The following CEP57 variants were observed in gnomAD, a reference collection of about 807,000 sequenced individuals.
CEP57 encodes centrosomal protein of 57 kDa.
In CEP57, 40 loss-of-function variants were observed where a neutral mutation model predicts 68.0. The ratio of observed to expected loss-of-function variants is 0.59; its 90% CI spans 0.46 to 0.77. The LOEUF (loss-of-function observed/expected upper bound fraction) is 0.77, where lower values mean the gene tolerates loss of function less well. Ranked by LOEUF, CEP57 falls within the 30% of genes least tolerant of loss-of-function variation. CEP57 has a pLI of 0.00. For synonymous variants in CEP57, 219 were observed against 198.7 expected, an observed-to-expected ratio of 1.10 and a Z score of -0.86; for missense variants, 606 against 580.7, an observed-to-expected ratio of 1.04 and a Z score of -0.45.
intron 1 of CEP57, among the ~76,000 whole-genome samples, chr11:95,794,993 C>T (rs968897743): frequency 1.3e-5 from 2 of 152,148 alleles, no homozygotes; most frequent in East Asian, 1.9e-4. Flanking sequence ...TTACCTGGCT[C>T]TTTGTCCCTT....
Position 95,807,500 on chromosome 11 carries a change from T to C in CEP57, c.203-5432T>C, listed in dbSNP as rs566687614. 6.6e-5 allele frequency among the ~76,000 whole-genome samples: 10 copies of C among 152,142 alleles called. No individual in the cohort carries two copies. The South Asian group carries it at 2.1e-3, about 32-fold the overall frequency. ...AGATTAGACGAATGGCTAACTAGAA[T>C]AAACAGCGTAGAGAAGACCTTAAAT... On this transcript the variant is annotated intron_variant, in intron 2 of 10. Transcript: ENST00000325542.
Position 95,824,260 on chromosome 11 carries a change from A to T in CEP57, c.885+1684A>T, listed in dbSNP as rs692807. ...GATCCTCTTTAAAAAATTTTTTTTA[A>T]AAAAAAAAGGAAATTGTGAATCTGT... On this transcript the variant is annotated intron_variant, in intron 8 of 10. Coordinates refer to ENST00000325542, the MANE Select transcript of CEP57 (RefSeq NM_014679.5). 9.7e-3 allele frequency among the ~76,000 whole-genome samples: 1,469 copies of T among 150,778 alleles called. 22 individuals are homozygous for T. The highest frequency in any genetic ancestry group is 0.034 in the African/African-American group (1,411 of 41,128).
intron 4 of CEP57, 147 bp from the exon 5 acceptor site, chr11:95,817,640 T>G (rs867648443): frequency 1.3e-5 from 9 of 673,886 alleles, no homozygotes; most frequent in African/African-American, 1.1e-4. Flanking sequence ...CAGTCATTTA[T>G]TGATGCCCCC....
intron 1 of CEP57, among the ~76,000 whole-genome samples, chr11:95,798,135 C>T (rs144764142): frequency 1.3e-5 from 2 of 152,212 alleles, no homozygotes; most frequent in East Asian, 1.9e-4. Context: ...TATTTGAGTA[C>T]CACTTTTAAG....
In CEP57 at chr11:95,791,775, A is replaced by C. The variant is rs1478733187; in HGVS notation, c.45+1032A>C. ...TGATTGCTTGTCCCAAGAGTAGAGA[A>C]AGGAGAAAAAGGCAGTGCGGGAATT... On this transcript the variant is annotated intron_variant, in intron 1 of 10. Transcript: ENST00000325542. 4.6e-5 allele frequency among the ~76,000 whole-genome samples: 7 copies of C among 152,178 alleles called. 1 individual carries two copies. The highest frequency in any genetic ancestry group is 4.6e-4 in the Admixed American group (7 of 15,258).
At chr11:95,825,971 A>T (rs1862727391) in intron 8 of CEP57, 1 of 152,186 alleles carries the variant, frequency 6.6e-6, no homozygotes. Flanking sequence ...TGAAACTAAA[A>T]CAAATGGTGG....
intron 4 of CEP57, 73 bp from the exon 5 acceptor site, chr11:95,817,714 G>A: frequency 9.8e-7 from 1 of 1,024,470 alleles, no homozygotes; most frequent in Non-Finnish European, 1.6e-6. Context: ...TAACAGCATA[G>A]AAAAACACTG....
intron 4 of CEP57, among the ~76,000 whole-genome samples, chr11:95,813,973 T>TCTTA (rs1249363520): frequency 2.6e-5 from 4 of 152,266 alleles, no homozygotes; most frequent in Admixed American, 6.5e-5. Flanking sequence ...TTTTGTGCTT[T>TCTTA]CTTACACCAG....
intron 2 of CEP57, among the ~76,000 whole-genome samples, chr11:95,811,517 C>T (rs3016209): frequency 0.28 from 41,831 of 149,296 alleles, 7,008 homozygotes; most frequent in Non-Finnish European, 0.38. Context: ...CAACATGGCA[C>T]ATGTATACAT....
chr11:95,814,707 T>G (rs1391281376), intron 4 of CEP57, among the ~76,000 whole-genome samples: 1 of 152,186 alleles, frequency 6.6e-6, no homozygotes, highest in Non-Finnish European at 1.5e-5. Flanking sequence ...CTGTTATGAA[T>G]CTAGAGTTTG....
chr11:95,809,954 A>C (rs1174086961), intron 2 of CEP57, among the ~76,000 whole-genome samples: 2 of 152,220 alleles, frequency 1.3e-5, no homozygotes, highest in African/African-American at 4.8e-5. Flanking sequence ...ATCCTCAATA[A>C]AATACTGGCA....
intron 9 of CEP57, among the ~76,000 whole-genome samples, chr11:95,828,501 T>C (rs1389165045): frequency 1.3e-5 from 2 of 152,214 alleles, no homozygotes; most frequent in African/African-American, 2.4e-5. Flanking sequence ...AGTAAAAATA[T>C]GATACTAAAG....
At chr11:95,808,323 A>AT (rs1861901249) in intron 2 of CEP57, among the ~76,000 whole-genome samples, 1 of 152,158 alleles carries the variant, frequency 6.6e-6, no homozygotes, top group Admixed American at 6.5e-5. Flanking sequence ...CGAGCAAAAT[A>AT]ACCAGCTAAC....
chr11:95,810,593 C>A (rs1862014560), intron 2 of CEP57, among the ~76,000 whole-genome samples: 2 of 152,136 alleles, frequency 1.3e-5, no homozygotes, highest in African/African-American at 4.8e-5. Flanking sequence ...AACTCTCATT[C>A]ACAATTGCTT....
At chr11:95,817,679 A>G (rs1862354470) in intron 4 of CEP57, 108 bp from the exon 5 acceptor site, 1 of 760,988 alleles carries the variant, frequency 1.3e-6, no homozygotes, top group Non-Finnish European at 2.4e-6. Context: ...TTATTTTCCT[A>G]GAAGTAGTTA....
chr11:95,802,474 C>T (rs967051870), intron 2 of CEP57, among the ~76,000 whole-genome samples: 2 of 151,884 alleles, frequency 1.3e-5, no homozygotes, highest in Non-Finnish European at 2.9e-5. Flanking sequence ...AGGATGGTCT[C>T]GATCTCTTGA....
intron 2 of CEP57, among the ~76,000 whole-genome samples, chr11:95,806,195 T>G (rs1861791103): frequency 6.6e-6 from 1 of 152,216 alleles, no homozygotes; most frequent in South Asian, 2.1e-4. Context: ...TCATTTTCTT[T>G]AAGTGCTTTT....
intron 1 of CEP57, 62 bp downstream of exon 1, chr11:95,790,805 C>G: frequency 3.2e-6 from 5 of 1,587,218 alleles, no homozygotes; most frequent in Non-Finnish European, 4.3e-6. Context: ...TGAGTTTCCT[C>G]ACGTTTCAGG....
intron 8 of CEP57, chr11:95,827,127 A>G (rs1419475156): frequency 6.6e-6 from 1 of 152,338 alleles, no homozygotes; most frequent in Non-Finnish European, 1.5e-5. Flanking sequence ...AAAGTGGAAT[A>G]GTACATTGAG....
Sources: gnomAD v4.1 joint callset for allele counts (sites outside exome capture counted in the v4.1 genomes callset) on GRCh38, gnomAD v4.1.1 for gene constraint, MANE v1.5 for transcripts, NCBI Gene and HGNC (gene_info 2026-07-23, HGNC 2026-07-21) for gene names.